Variants in KANSL1 observed in about 807,000 individuals in gnomAD.
The protein encoded by KANSL1 is MLL1/MLL complex subunit KANSL1.
Under a neutral mutation model 103.6 loss-of-function variants are expected in KANSL1, and 22 were observed. The observed-to-expected ratio is 0.21, with a 90% CI of 0.15 to 0.30. The LOEUF (loss-of-function observed/expected upper bound fraction) is 0.30, where lower values mean the gene tolerates loss of function less well. Ranked by LOEUF, KANSL1 falls within the 10% of genes least tolerant of loss-of-function variation. The pLI is 1.00. For synonymous variants in KANSL1, 600 were observed against 527.6 expected, an observed-to-expected ratio of 1.14 and a Z score of -1.88; for missense variants, 1,337 against 1,399.8, an observed-to-expected ratio of 0.96 and a Z score of 0.72.
intron 2 of KANSL1, among the ~76,000 whole-genome samples, chr17:46,130,187 C>CAAAAAAAAA (rs35017603): frequency 1.1e-4 from 8 of 75,468 alleles, no homozygotes; most frequent in South Asian, 3.8e-4. Context: ...ATCCTGTCTC[C>CAAAAAAAAA]AAAAAAAAAA....
chr17:46,091,459 G>T (rs115347707), intron 3 of KANSL1, among the ~76,000 whole-genome samples: 2,406 of 151,850 alleles, frequency 0.016, 67 homozygotes, highest in African/African-American at 0.052. Flanking sequence ...TCGGTGTACA[G>T]TATTTATAAA....
At chr17:46,151,565 C>T (rs1021131610) in intron 2 of KANSL1, among the ~76,000 whole-genome samples, 13 of 152,232 alleles carry the variant, frequency 8.5e-5, no homozygotes, top group African/African-American at 2.4e-4. Context: ...ACTTATCTGT[C>T]TTCCCTAGTA....
chr17:46,106,350 C>T (rs1186975550), intron 2 of KANSL1, among the ~76,000 whole-genome samples: 1 of 152,188 alleles, frequency 6.6e-6, no homozygotes, highest in African/African-American at 2.4e-5. Flanking sequence ...GAAGAAAAAG[C>T]CTCTTAGTTA....
intron 2 of KANSL1, among the ~76,000 whole-genome samples, chr17:46,127,767 G>C (rs1289020586): frequency 6.8e-6 from 1 of 146,360 alleles, no homozygotes; most frequent in Admixed American, 7.1e-5. Context: ...AACAGAGCCA[G>C]ACCCTGTCTC....
chr17:46,125,339 CTACAG>C (rs1351105685), intron 2 of KANSL1, among the ~76,000 whole-genome samples: 8 of 152,212 alleles, frequency 5.3e-5, no homozygotes, highest in African/African-American at 1.9e-4. Flanking sequence ...ACTTAACAGA[CTACAG>C]TATAGTGTAA....
At chr17:46,105,564 G>A (rs573473707) in intron 2 of KANSL1, among the ~76,000 whole-genome samples, 3 of 152,146 alleles carry the variant, frequency 2.0e-5, no homozygotes, top group African/African-American at 7.2e-5. Context: ...TGCAGTGAGT[G>A]AGATCACGCC....
rs2046314104 is a variant in KANSL1, at chr17:46,172,005, T to G, written c.139A>C (p.Asn47His). ...NGNANILIAA[N>H]GTKRKAIAAE... ...GCAATGGCTTTTCTTTTGGTTCCGT[T>G]GGCAGCAATAAGGATGTTGGCGTTG... Residue 47 changes from asparagine to histidine, a missense_variant, in exon 2 of 15, where the codon AAC (asparagine) becomes CAC (histidine). Asn to His is a moderately conservative substitution (Grantham distance 68). Transcript: ENST00000432791. 1 of 1,614,152 alleles carries G rather than the reference T, an allele frequency of 6.2e-7. No homozygotes were observed. The highest frequency in any genetic ancestry group is 8.5e-7 in the Non-Finnish European group (1 of 1,180,050).
At chr17:46,119,986 T>C (rs1486522614) in intron 2 of KANSL1, 1 of 152,240 alleles carries the variant, frequency 6.6e-6, no homozygotes, top group Non-Finnish European at 1.5e-5. Flanking sequence ...TCCATTTCTG[T>C]GGTTCCACAA....
At chr17:46,151,047 A>T (rs1427231991) in intron 2 of KANSL1, among the ~76,000 whole-genome samples, 1 of 152,266 alleles carries the variant, frequency 6.6e-6, no homozygotes, top group African/African-American at 2.4e-5. Flanking sequence ...TTCACAGAGA[A>T]GTAATACAAC....
intron 1 of KANSL1, among the ~76,000 whole-genome samples, chr17:46,190,612 G>A (rs942427128): frequency 6.6e-5 from 10 of 152,208 alleles, no homozygotes; most frequent in Non-Finnish European, 1.2e-4. Context: ...ATACTCAAAT[G>A]AGGTGGCCAT....
At chr17:46,184,837 CTTT>C (rs66507225) in intron 1 of KANSL1, among the ~76,000 whole-genome samples, 6 of 128,278 alleles carry the variant, frequency 4.7e-5, no homozygotes, top group Admixed American at 1.6e-4. Flanking sequence ...AGAGTATGTA[CTTT>C]TTTTTTTTTT....
intron 1 of KANSL1, chr17:46,192,354 G>A (rs996653965): frequency 6.6e-6 from 1 of 150,740 alleles, no homozygotes; most frequent in East Asian, 1.9e-4. Context: ...ATCTGAAAAC[G>A]TAAGTGACCT....
intron 1 of KANSL1, among the ~76,000 whole-genome samples, chr17:46,209,196 A>G (rs994082868): frequency 1.8e-4 from 28 of 152,278 alleles, no homozygotes; most frequent in African/African-American, 6.0e-4. Flanking sequence ...AAAAAAAAAG[A>G]AAATGCAAAG....
chr17:46,031,817 T>A, intron 14 of KANSL1, 114 bp from the exon 15 acceptor site: 1 of 1,117,862 alleles, frequency 8.9e-7, no homozygotes, highest in Non-Finnish European at 1.3e-6. Context: ...TATCTAGTGT[T>A]CCTGCGACAG....
At chr17:46,093,136 T>C (rs2079478900) in intron 3 of KANSL1, 1 of 152,194 alleles carries the variant, frequency 6.6e-6, no homozygotes, top group Non-Finnish European at 1.5e-5. Flanking sequence ...CTACTGGCTA[T>C]AAAAACCTAG....
Position 46,170,857 on chromosome 17 carries a change from G to C in KANSL1, c.1287C>G (p.Pro429=). The C allele has an allele frequency of 1.9e-6, 3 of 1,598,290 alleles. No homozygotes were observed. Among genetic ancestry groups the C allele is most frequent in the Non-Finnish European group, 2.6e-6 (3 of 1,172,226 alleles). The change falls in exon 2 of 15, where the codon CCC becomes CCG. Residue 429 remains proline, a splice_region_variant and synonymous_variant. Coordinates refer to ENST00000432791, the MANE Select transcript of KANSL1 (RefSeq NM_015443.4). The part of the protein sequence containing the change: ...TRADPEQRHV[P]LRRRSEWKWA... ...TATCATGCATGAGGTCTACTCACAG[G>C]GGTACATGACGCTGCTCGGGATCAG...
intron 9 of KANSL1, 125 bp downstream of exon 9, chr17:46,038,902 C>T (rs556595324): frequency 8.0e-7 from 1 of 1,249,896 alleles, no homozygotes. Context: ...GCAGTAGCGT[C>T]CCTCTACTCT....
chr17:46,172,858 C>T (rs113143145), intron 1 of KANSL1, among the ~76,000 whole-genome samples: 107 of 152,350 alleles, frequency 7.0e-4, no homozygotes, highest in African/African-American at 2.5e-3. Flanking sequence ...TTCTTCCTCT[C>T]AGCCTAGGAA....
intron 2 of KANSL1, among the ~76,000 whole-genome samples, chr17:46,155,367 A>T (rs950781715): frequency 6.6e-6 from 1 of 152,198 alleles, no homozygotes; most frequent in Non-Finnish European, 1.5e-5. Flanking sequence ...CATGTTGGCC[A>T]GGCTGGTCTC....
Sources: gnomAD v4.1 joint callset for allele counts (sites outside exome capture counted in the v4.1 genomes callset) on GRCh38, gnomAD v4.1.1 for gene constraint, MANE v1.5 for transcripts, NCBI Gene and HGNC (gene_info 2026-07-23, HGNC 2026-07-21) for gene names.